ATF7IP2: variants seen among roughly 807,000 people sequenced by gnomAD.
ATF7IP2 encodes activating transcription factor 7 interacting protein 2.
Under a neutral mutation model 64.2 loss-of-function variants are expected in ATF7IP2, and 42 were observed. The observed-to-expected ratio is 0.65, with a 90% CI of 0.51 to 0.85. ATF7IP2 has a LOEUF of 0.85. ATF7IP2 is among the 40% of genes least tolerant of loss of function. The probability of loss-of-function intolerance (pLI) is 0.00; values close to 1 mark genes in which losing one functional copy is unlikely to be tolerated. For missense variants in ATF7IP2, 933 were observed against 784.2 expected (o/e 1.19, Z -2.27); for synonymous variants, 308 against 272.8 (o/e 1.13, Z -1.27).
intron 1 of ATF7IP2, among the ~76,000 whole-genome samples, chr16:10,389,829 A>G (rs1030154090): frequency 2.0e-5 from 3 of 152,212 alleles, no homozygotes; most frequent in Non-Finnish European, 4.4e-5. Context: ...CTGCTGGTCT[A>G]TGAACCACAC....
At chr16:10,452,460 T>C (rs1014484385) in intron 8 of ATF7IP2, among the ~76,000 whole-genome samples, 1 of 152,236 alleles carries the variant, frequency 6.6e-6, no homozygotes, top group African/African-American at 2.4e-5. Flanking sequence ...GATTGCTGCC[T>C]GTTCCTTCCT....
rs1379426224 is a variant in ATF7IP2 at position 10,473,461 on chromosome 16, A to G, written c.1427-18A>G. ...AAATATTGTGTAATAAATTTGTCAAATGTCTAATTTCTTTCAGATACCAGA... is the reference window on the plus strand; with the variant it reads ...AAATATTGTGTAATAAATTTGTCAAGTGTCTAATTTCTTTCAGATACCAGA... On this transcript the variant is annotated intron_variant, in intron 10 of 13. Coordinates refer to ENST00000562102, the MANE Select transcript of ATF7IP2 (RefSeq NM_001393719.1). The G allele has an allele frequency of 2.0e-6, 3 of 1,488,806 alleles. No homozygotes were observed. The highest frequency in any genetic ancestry group is 2.8e-6 in the Non-Finnish European group (3 of 1,073,246). The allele number at this position is 1,488,806 out of a possible 1,614,324, so 92.2% of individuals were successfully genotyped here. A position where few individuals can be genotyped will look rare whatever the true frequency, so the allele number is the denominator to read the frequency against.
At chr16:10,441,164 G>T (rs1031356926) in intron 8 of ATF7IP2, among the ~76,000 whole-genome samples, 1 of 152,088 alleles carries the variant, frequency 6.6e-6, no homozygotes, top group African/African-American at 2.4e-5. Context: ...CGGGGATTTG[G>T]GTTGATTCCA....
At position 10,482,488 on chromosome 16, in the gene ATF7IP2, G is replaced by T. The variant is rs2050273808; in HGVS notation, c.*239G>T. The T allele has an allele frequency of 2.8e-6, 1 of 351,288 alleles. No individual in the cohort carries two copies. Among genetic ancestry groups the T allele is most frequent in the South Asian group, 4.2e-5 (1 of 23,774 alleles). The allele number at this position is 351,288 out of a possible 1,614,324, so 21.8% of individuals were successfully genotyped here. A position where few individuals can be genotyped will look rare whatever the true frequency, so the allele number is the denominator to read the frequency against. ...GCTATCATTGGCCCATGTTGCTGAG[G>T]TGCATTGTGAACAATACCTTTAGTG... On this transcript the variant is annotated 3_prime_UTR_variant, in exon 14 of 14. Transcript: ENST00000562102.
chr16:10,443,067 G>A (rs2048682268), intron 8 of ATF7IP2, among the ~76,000 whole-genome samples: 1 of 152,172 alleles, frequency 6.6e-6, no homozygotes, highest in African/African-American at 2.4e-5. Context: ...ATGCTAGAGT[G>A]AAAGGGATGG....
intron 1 of ATF7IP2, among the ~76,000 whole-genome samples, chr16:10,398,340 C>A (rs2047460467): frequency 6.6e-6 from 1 of 151,398 alleles, no homozygotes; most frequent in African/African-American, 2.4e-5. Flanking sequence ...CAAATGTTGG[C>A]AAAGATGTAG....
chr16:10,408,847 A>G (rs1373090349), intron 1 of ATF7IP2, among the ~76,000 whole-genome samples: 1 of 152,128 alleles, frequency 6.6e-6, no homozygotes, highest in African/African-American at 2.4e-5. Context: ...AGTTTAATTA[A>G]GTCCTGCCTA....
chr16:10,416,241 C>A (rs1173965522), intron 2 of ATF7IP2, among the ~76,000 whole-genome samples: 6 of 152,114 alleles, frequency 3.9e-5, no homozygotes. Context: ...AAATGTGGTA[C>A]ATATACACAA....
At chr16:10,427,987 A>G (rs1337106567) in intron 3 of ATF7IP2, among the ~76,000 whole-genome samples, 1 of 152,238 alleles carries the variant, frequency 6.6e-6, no homozygotes, top group Non-Finnish European at 1.5e-5. Flanking sequence ...ACGTAAGCAC[A>G]TGGATGAATT....
At chr16:10,386,603 T>A (rs7190371) in intron 1 of ATF7IP2, 120,247 of 152,126 alleles carry the variant, frequency 0.79, 48,321 homozygotes, top group African/African-American at 0.94. Flanking sequence ...GGATCTCGCC[T>A]GGCGGCCTTG....
chr16:10,438,601 G>A (rs1363575613), intron 7 of ATF7IP2, among the ~76,000 whole-genome samples: 1 of 151,888 alleles, frequency 6.6e-6, no homozygotes, highest in Non-Finnish European at 1.5e-5. Flanking sequence ...TTTCATATTA[G>A]CAAAGGAAAA....
chr16:10,411,455 GCA>G (rs1416398414), intron 1 of ATF7IP2, among the ~76,000 whole-genome samples: 1 of 151,598 alleles, frequency 6.6e-6, no homozygotes, highest in Non-Finnish European at 1.5e-5. Context: ...AAGTGTAGTG[GCA>G]CAGTCTTGGC....
At chr16:10,439,036 C>T (rs1021271414) in intron 7 of ATF7IP2, among the ~76,000 whole-genome samples, 19 of 111,136 alleles carry the variant, frequency 1.7e-4, no homozygotes, top group African/African-American at 7.2e-4. Context: ...CTGCCGACAG[C>T]GAGACTCCAT....
intron 3 of ATF7IP2, among the ~76,000 whole-genome samples, chr16:10,420,657 C>T (rs1320452450): frequency 1.3e-5 from 2 of 152,324 alleles, no homozygotes; most frequent in East Asian, 1.9e-4. Context: ...AGGGTGCATT[C>T]TACTCCTAAC....
chr16:10,465,716 G>A (rs901869578), intron 9 of ATF7IP2, among the ~76,000 whole-genome samples: 2 of 148,352 alleles, frequency 1.3e-5, no homozygotes, highest in African/African-American at 2.5e-5. Flanking sequence ...TCCAGCCTGG[G>A]CAACAGAACG....
intron 1 of ATF7IP2, among the ~76,000 whole-genome samples, chr16:10,395,836 G>A (rs2047410027): frequency 6.6e-6 from 1 of 152,038 alleles, no homozygotes; most frequent in African/African-American, 2.4e-5. Context: ...GAGGATTGGA[G>A]GTTTTCCTGC....
intron 8 of ATF7IP2, among the ~76,000 whole-genome samples, chr16:10,451,485 C>T (rs973248255): frequency 5.3e-5 from 8 of 152,228 alleles, no homozygotes; most frequent in African/African-American, 1.9e-4. Context: ...TTCACATAGT[C>T]CCATATTTCT....
At chr16:10,442,609 TG>T (rs1235906028) in intron 8 of ATF7IP2, among the ~76,000 whole-genome samples, 2 of 152,230 alleles carry the variant, frequency 1.3e-5, no homozygotes, top group Non-Finnish European at 2.9e-5. Flanking sequence ...CTAGAATTCC[TG>T]GTTAACTCAT....
intron 1 of ATF7IP2, among the ~76,000 whole-genome samples, chr16:10,404,283 C>G (rs2141782687): frequency 6.6e-6 from 1 of 152,282 alleles, no homozygotes; most frequent in East Asian, 1.9e-4. Flanking sequence ...GACAGAGTCT[C>G]ACTCTGTCAC....
Sources: allele counts gnomAD v4.1 joint callset (sites outside exome capture counted in the v4.1 genomes callset), GRCh38; gene constraint gnomAD v4.1.1; transcripts MANE v1.5; gene names NCBI Gene and HGNC (gene_info 2026-07-23, HGNC 2026-07-21).